Variants in AK4 observed in about 807,000 individuals in gnomAD.
AK4 encodes the protein adenylate kinase 4, also known as adenylate kinase 4, mitochondrial.
In AK4, 13 loss-of-function variants were observed where a neutral mutation model predicts 24.6. The observed-to-expected ratio is 0.53, with a 90% CI of 0.34 to 0.84. AK4 has a LOEUF of 0.84. Among genes scored for constraint, AK4 ranks in the 40% least tolerant of loss-of-function variants. The pLI is 0.01. For synonymous variants in AK4, 88 were observed against 107.0 expected, an observed-to-expected ratio of 0.82 and a Z score of 1.10; for missense variants, 192 against 288.2, an observed-to-expected ratio of 0.67 and a Z score of 2.42.
At chr1:65,218,274 C>G (rs1223358160) in intron 2 of AK4, among the ~76,000 whole-genome samples, 3 of 152,108 alleles carry the variant, frequency 2.0e-5, no homozygotes, top group Non-Finnish European at 4.4e-5. Context: ...AAATGCTTTC[C>G]CTTCACTTTT....
At chr1:65,179,548 T>G (rs1650829644) in intron 1 of AK4, among the ~76,000 whole-genome samples, 1 of 152,186 alleles carries the variant, frequency 6.6e-6, no homozygotes, top group African/African-American at 2.4e-5. Context: ...ATATAAACTT[T>G]CTAGAATCGG....
At chr1:65,183,540 C>T (rs1052205267) in intron 1 of AK4, among the ~76,000 whole-genome samples, 1 of 152,108 alleles carries the variant, frequency 6.6e-6, no homozygotes, top group Non-Finnish European at 1.5e-5. Flanking sequence ...CCACTGTTCC[C>T]GGCCAATATT....
At chr1:65,203,345 AATTG>A (rs1322983091) in intron 2 of AK4, among the ~76,000 whole-genome samples, 1 of 152,148 alleles carries the variant, frequency 6.6e-6, no homozygotes, top group African/African-American at 2.4e-5. Context: ...TATTTATTAT[AATTG>A]ATTTTAAGCT....
At chr1:65,178,664 C>T (rs536294280) in intron 1 of AK4, among the ~76,000 whole-genome samples, 2 of 152,264 alleles carry the variant, frequency 1.3e-5, no homozygotes, top group South Asian at 4.1e-4. Context: ...ATTTGCTAGC[C>T]CTTCAGAAGC....
At chr1:65,185,876 A>G (rs191055429) in intron 1 of AK4, among the ~76,000 whole-genome samples, 78 of 152,086 alleles carry the variant, frequency 5.1e-4, no homozygotes, top group Non-Finnish European at 1.1e-3. Flanking sequence ...TGGCCTCCCA[A>G]AGTGCTGGGA....
In AK4 at chr1:65,226,253, T is replaced by C. The variant is rs1241232082; in HGVS notation, c.*76T>C. 1.2e-5 allele frequency: 14 copies of C among 1,214,566 alleles called. No individual in the cohort carries two copies. Among genetic ancestry groups the C allele is most frequent in the Non-Finnish European group, 1.6e-5 (14 of 880,322 alleles). 75.2% of individuals were successfully genotyped at this position (1,214,566 alleles called of 1,614,324 possible). On this transcript the variant is annotated 3_prime_UTR_variant, in exon 5 of 5. Coordinates refer to ENST00000327299, the MANE Select transcript of AK4 (RefSeq NM_013410.4). The stretch of plus-strand genomic sequence containing the variant: ...GTGTAGTATTGGTGCTGTGTCCAAA[T>C]TAGAAGCTAGCTGAGGTAGCTTGCA...
chr1:65,156,365 G>C (rs1184355273), intron 1 of AK4, among the ~76,000 whole-genome samples: 1 of 151,808 alleles, frequency 6.6e-6, no homozygotes, highest in Non-Finnish European at 1.5e-5. Context: ...TTTTTTTAAT[G>C]TACACATTTG....
At chr1:65,221,051 A>G (rs913630497) in intron 3 of AK4, among the ~76,000 whole-genome samples, 1 of 152,214 alleles carries the variant, frequency 6.6e-6, no homozygotes, top group African/African-American at 2.4e-5. Flanking sequence ...TAACATTGAT[A>G]CAGTTACCTA....
At chr1:65,187,606 G>A (rs1019563454) in intron 1 of AK4, among the ~76,000 whole-genome samples, 9 of 152,122 alleles carry the variant, frequency 5.9e-5, no homozygotes, top group Non-Finnish European at 1.2e-4. Context: ...CAATAAAGCT[G>A]TCATAAAAAA....
At chr1:65,218,567 A>G (rs1364038358) in intron 2 of AK4, among the ~76,000 whole-genome samples, 187 bp from the exon 3 acceptor site, 6 of 152,230 alleles carry the variant, frequency 3.9e-5, no homozygotes. Flanking sequence ...ATACATGTGC[A>G]GGTTTGTGAC....
intron 2 of AK4, among the ~76,000 whole-genome samples, chr1:65,209,517 A>T (rs1651910999): frequency 6.6e-6 from 1 of 152,234 alleles, no homozygotes; most frequent in African/African-American, 2.4e-5. Context: ...ATCCCTGCCG[A>T]CAGGGGATCT....
In AK4 at chr1:65,149,749, T is replaced by C. The variant is rs142549382; in HGVS notation, c.145+1197T>C. 2.0e-5 allele frequency among the ~76,000 whole-genome samples: 3 copies of C among 152,278 alleles called. No individual in the cohort carries two copies. The East Asian group carries it at 5.8e-4, about 29-fold the overall frequency. On this transcript the variant is annotated intron_variant, in intron 1 of 4. Coordinates refer to ENST00000327299, the MANE Select transcript of AK4 (RefSeq NM_013410.4). ...TTAAGCAGATTGAAAAAGCGGACTT[T>C]TACAGGAAACTCTTCCCCCACCCCC...
intron 2 of AK4, among the ~76,000 whole-genome samples, chr1:65,209,352 C>T (rs886671713): frequency 4.6e-5 from 7 of 152,140 alleles, no homozygotes; most frequent in South Asian, 4.1e-4. Flanking sequence ...CCTAGAATAA[C>T]GCTAGTCAGT....
chr1:65,225,992 C>A, intron 4 of AK4, 71 bp from the exon 5 acceptor site: 1 of 1,491,930 alleles, frequency 6.7e-7, no homozygotes, highest in South Asian at 1.2e-5. Context: ...TGTTTTATAT[C>A]TAGGATCTTC....
chr1:65,164,345 C>T (rs548470345), intron 1 of AK4, among the ~76,000 whole-genome samples: 5 of 152,238 alleles, frequency 3.3e-5, no homozygotes, highest in Non-Finnish European at 7.4e-5. Context: ...TTTGCAAAGG[C>T]GGTTTCACAA....
In AK4 at chr1:65,204,991, TG is replaced by T. The variant is rs762816585; in HGVS notation, c.266-13762del. Reference sequence around the variant, plus strand: ...TGAATTAATTGTATGGTACGTGAACTGTATCTGAGTAAAGGTGCACTGCTGT... The same window carrying T: ...TGAATTAATTGTATGGTACGTGAACTTATCTGAGTAAAGGTGCACTGCTGT... On this transcript the variant is annotated intron_variant, in intron 2 of 4. Coordinates refer to ENST00000327299, the MANE Select transcript of AK4 (RefSeq NM_013410.4). Among the ~76,000 whole-genome samples the T allele has an allele frequency of 1.4e-3, 208 of 152,354 alleles. 1 individual carries two copies. Among genetic ancestry groups the T allele is most frequent in the Non-Finnish European group, 2.0e-3 (133 of 68,034 alleles).
Position 65,226,096 on chromosome 1 carries a change from G to A in AK4, c.591G>A (p.Thr197=), listed in dbSNP as rs567848952. ...SRGVLHQFSG[T]ETNKIWPYVY... Reference sequence around the variant, plus strand: ...GAGTGCTCCACCAATTTTCCGGAACGGAGACGAACAAAATCTGGCCCTACG... The same window carrying A: ...GAGTGCTCCACCAATTTTCCGGAACAGAGACGAACAAAATCTGGCCCTACG... The change falls in exon 5 of 5, where the codon ACG becomes ACA. Residue 197 remains threonine (T), a synonymous_variant. Transcript: ENST00000327299. 29 of 1,611,702 alleles carry A rather than the reference G, an allele frequency of 1.8e-5. No individual in the cohort carries two copies. Among genetic ancestry groups the A allele is most frequent in the South Asian group, 4.4e-5 (4 of 90,900 alleles).
intron 2 of AK4, among the ~76,000 whole-genome samples, chr1:65,201,524 G>T (rs1270764628): frequency 2.0e-5 from 3 of 152,176 alleles, no homozygotes; most frequent in Admixed American, 6.5e-5. Flanking sequence ...CTTGGTTCAT[G>T]GATCAATAAA....
At chr1:65,154,466 C>T (rs1337487161) in intron 1 of AK4, 4 of 511,588 alleles carry the variant, frequency 7.8e-6, no homozygotes, top group Non-Finnish European at 1.2e-5. Context: ...TCTTGTTGCA[C>T]TCCTGACAGC....
Sources: gnomAD v4.1 joint callset for allele counts (sites outside exome capture counted in the v4.1 genomes callset) on GRCh38, gnomAD v4.1.1 for gene constraint, MANE v1.5 for transcripts, NCBI Gene and HGNC (gene_info 2026-07-23, HGNC 2026-07-21) for gene names.